Variants in RASGRF1 observed in about 807,000 individuals in gnomAD.
The protein encoded by RASGRF1 is ras-specific guanine nucleotide-releasing factor 1.
In RASGRF1, 40 loss-of-function variants were observed where a neutral mutation model predicts 138.7. That is an observed-to-expected ratio of 0.29 (90% CI 0.22 to 0.38). RASGRF1 has a LOEUF of 0.38. RASGRF1 is among the 10% of genes least tolerant of loss of function. The probability of loss-of-function intolerance (pLI) is 1.00; values close to 1 mark genes in which losing one functional copy is unlikely to be tolerated. For synonymous variants in RASGRF1, 614 were observed against 663.2 expected (o/e 0.93, Z 1.14); for missense variants, 1,108 against 1,650.4 (o/e 0.67, Z 5.69).
chr15:79,053,790 G>A (rs1259936028), intron 3 of RASGRF1, among the ~76,000 whole-genome samples: 3 of 152,216 alleles, frequency 2.0e-5, no homozygotes, highest in African/African-American at 2.4e-5. Flanking sequence ...CTGCGCACTC[G>A]CACAGAGCCC....
In RASGRF1 at chr15:79,090,568, G is replaced by A. The variant is rs1053519642; in HGVS notation, c.-70C>T. ...GCGCAGCAGCCCCCCGTCCGTGCGC[G>A]CTGCGCGCTGCCTCTCTCTGGCGCT... On this transcript the variant is annotated 5_prime_UTR_variant, in exon 1 of 27. Coordinates refer to ENST00000558480, the MANE Select transcript of RASGRF1 (RefSeq NM_001145648.3). 607 of 1,561,130 alleles carry A rather than the reference G, an allele frequency of 3.9e-4. No individual in the cohort carries two copies. Among genetic ancestry groups the A allele is most frequent in the Non-Finnish European group, 5.1e-4 (587 of 1,155,996 alleles).
chr15:79,028,786 A>G (rs1178892223), intron 8 of RASGRF1, among the ~76,000 whole-genome samples: 1 of 152,200 alleles, frequency 6.6e-6, no homozygotes, highest in Non-Finnish European at 1.5e-5. Flanking sequence ...GACCAACAAG[A>G]AGGCTGGTTA....
chr15:78,990,047 G>A, intron 22 of RASGRF1, 142 bp downstream of exon 22: 1 of 728,032 alleles, frequency 1.4e-6, no homozygotes, highest in East Asian at 2.6e-5. Context: ...CCAGCCCGAG[G>A]CCACATGGCA....
At chr15:78,968,250 ATGTGTGTGTGTG>A (rs10529968) in intron 26 of RASGRF1, among the ~76,000 whole-genome samples, 1 of 134,328 alleles carries the variant, frequency 7.4e-6, no homozygotes. Flanking sequence ...CATGACACTG[ATGTGTGTGTGTG>A]TGTGTGTGTG....
At chr15:78,993,508 C>A (rs1262153576) in intron 20 of RASGRF1, among the ~76,000 whole-genome samples, 1 of 151,926 alleles carries the variant, frequency 6.6e-6, no homozygotes, top group East Asian at 1.9e-4. Context: ...GACATGAAGC[C>A]TTTGGGGACA....
intron 12 of RASGRF1, 116 bp downstream of exon 12, chr15:79,017,654 T>C (rs757441926): frequency 7.7e-7 from 1 of 1,300,400 alleles, no homozygotes; most frequent in South Asian, 1.6e-5. Flanking sequence ...CATCTTTCTC[T>C]GTAGAACAGT....
intron 5 of RASGRF1, among the ~76,000 whole-genome samples, chr15:79,035,952 C>A (rs993972423): frequency 6.6e-6 from 1 of 152,238 alleles, no homozygotes; most frequent in Non-Finnish European, 1.5e-5. Flanking sequence ...CGCCACGTAA[C>A]GTGCTGAACT....
intron 1 of RASGRF1, among the ~76,000 whole-genome samples, chr15:79,066,904 A>C (rs1595959252): frequency 6.6e-6 from 1 of 151,492 alleles, no homozygotes; most frequent in African/African-American, 2.4e-5. Flanking sequence ...GGCTTTCCCC[A>C]CTCCCTTCCT....
intron 22 of RASGRF1, among the ~76,000 whole-genome samples, chr15:78,988,838 A>C (rs1002231516): frequency 2.3e-5 from 1 of 43,026 alleles, no homozygotes; most frequent in African/African-American, 9.2e-5. Context: ...GCTGGGAGGG[A>C]GTTTTTTTTT....
chr15:79,000,049 G>A lies in RASGRF1; in HGVS notation c.2576-136C>T. The A allele has an allele frequency of 4.6e-6, 4 of 874,460 alleles. No individual in the cohort carries two copies. In the South Asian group the frequency reaches 5.0e-5, roughly 11 times the overall value. 54.2% of individuals were successfully genotyped at this position (874,460 alleles called of 1,614,324 possible). ...TCTTCAGGGTACCAGGGCATGTCGG[G>A]TGGTGCTGGTGTGTGTGTGTGTCTC... On this transcript the variant is annotated intron_variant, in intron 16 of 26. Coordinates refer to ENST00000558480, the MANE Select transcript of RASGRF1 (RefSeq NM_001145648.3).
intron 10 of RASGRF1, among the ~76,000 whole-genome samples, chr15:79,024,205 C>T (rs538944788): frequency 5.3e-5 from 8 of 151,620 alleles, no homozygotes; most frequent in Non-Finnish European, 7.4e-5. Context: ...TAAACATACA[C>T]GGATATACAC....
intron 2 of RASGRF1, among the ~76,000 whole-genome samples, chr15:79,061,638 C>A (rs1353393276): frequency 6.6e-6 from 1 of 151,980 alleles, no homozygotes; most frequent in Non-Finnish European, 1.5e-5. Flanking sequence ...GCTTATTTTG[C>A]CTATTTTAGA....
At chr15:78,983,467 G>A (rs556024941) in intron 23 of RASGRF1, among the ~76,000 whole-genome samples, 44 of 152,322 alleles carry the variant, frequency 2.9e-4, no homozygotes, top group African/African-American at 9.9e-4. Context: ...AACTCCATGA[G>A]GAGGGCAATG....
At position 78,960,977 on chromosome 15, in the gene RASGRF1, T is replaced by C. The variant is rs886397054; in HGVS notation, c.*1167A>G. 6.6e-6 allele frequency: 1 copy of C among 152,186 alleles called. No homozygotes were observed. Among genetic ancestry groups the C allele is most frequent in the Non-Finnish European group, 1.5e-5 (1 of 68,044 alleles). The allele number at this position is 152,186 out of a possible 1,614,324, so 9.4% of individuals were successfully genotyped here. A position where few individuals can be genotyped will look rare whatever the true frequency, so the allele number is the denominator to read the frequency against. On this transcript the variant is annotated 3_prime_UTR_variant, in exon 27 of 27. Transcript: ENST00000558480. ...ACATATATTTTTACAAAAATGGAAA[T>C]TTTTTTCCAAACAAGCTGTAAGTTG...
chr15:79,047,311 A>T (rs537631298), intron 4 of RASGRF1, among the ~76,000 whole-genome samples: 1 of 152,258 alleles, frequency 6.6e-6, no homozygotes, highest in East Asian at 1.9e-4. Context: ...GCAGATTCTC[A>T]AGCCCCACCC....
At chr15:78,997,514 C>A (rs1343797877) in intron 19 of RASGRF1, among the ~76,000 whole-genome samples, 1 of 152,092 alleles carries the variant, frequency 6.6e-6, no homozygotes, top group African/African-American at 2.4e-5. Flanking sequence ...GGGCAGATCG[C>A]CTGAGGTCAG....
chr15:79,070,213 G>A (rs1486333944), intron 1 of RASGRF1, among the ~76,000 whole-genome samples: 1 of 152,244 alleles, frequency 6.6e-6, no homozygotes, highest in Non-Finnish European at 1.5e-5. Context: ...GGACTTTGGA[G>A]ATGGAGAGCA....
chr15:78,979,392 G>A (rs1202231271), intron 24 of RASGRF1: 2 of 274,602 alleles, frequency 7.3e-6, no homozygotes, highest in Non-Finnish European at 1.4e-5. Flanking sequence ...AGGGTCTGGG[G>A]GTAGTAAACT....
At position 79,003,890 on chromosome 15, in the gene RASGRF1, A is replaced by G. The variant is rs1365756612; in HGVS notation, c.2361T>C (p.Tyr787=). ...SKATLDTSKL[Y]VSSSFTNKIP... ...TCTTGTTGGTGAAGCTGCTGGACAC[A>G]TAGAGCTTGCTGGTGTCCAGCGTGG... Residue 787 remains tyrosine, a synonymous_variant, in exon 15 of 27, where the codon TAT becomes TAC. Coordinates refer to ENST00000558480, the MANE Select transcript of RASGRF1 (RefSeq NM_001145648.3). 5 of 1,613,970 alleles carry G rather than the reference A, an allele frequency of 3.1e-6. No homozygotes were observed. Among genetic ancestry groups the G allele is most frequent in the African/African-American group, 1.3e-5 (1 of 74,926 alleles).
Sources: allele counts gnomAD v4.1 joint callset (sites outside exome capture counted in the v4.1 genomes callset), GRCh38; gene constraint gnomAD v4.1.1; transcripts MANE v1.5; gene names NCBI Gene and HGNC (gene_info 2026-07-23, HGNC 2026-07-21).